MARCHF3: variants seen among roughly 807,000 people sequenced by gnomAD.
MARCHF3 encodes membrane associated ring-CH-type finger 3.
Under a neutral mutation model 24.2 loss-of-function variants are expected in MARCHF3, and 13 were observed. That is an observed-to-expected ratio of 0.54 (90% CI 0.35 to 0.85). MARCHF3 has a LOEUF of 0.85. MARCHF3 is among the 40% of genes least tolerant of loss of function. MARCHF3 has a pLI of 0.01. For synonymous variants in MARCHF3, 144 were observed against 137.3 expected (o/e 1.05, Z -0.34); for missense variants, 276 against 325.0 (o/e 0.85, Z 1.16).
chr5:126,930,432 C>T lies in MARCHF3; in HGVS notation c.-56-12205G>A, dbSNP rs77939003. ...ACTTGGTGCCACTTGCCCCTGCAGA[C>T]CTCCACTGTATCTTATTTATGGAAT... On this transcript the variant is annotated intron_variant, in intron 1 of 4. Transcript: ENST00000308660. 2.7e-3 allele frequency among the ~76,000 whole-genome samples: 407 copies of T among 152,340 alleles called. 2 individuals carry two copies. Among genetic ancestry groups the T allele is most frequent in the African/African-American group, 9.5e-3 (395 of 41,570 alleles).
At chr5:126,963,654 AT>A (rs1359749054) in intron 1 of MARCHF3, among the ~76,000 whole-genome samples, 2 of 152,202 alleles carry the variant, frequency 1.3e-5, no homozygotes, top group Non-Finnish European at 2.9e-5. Flanking sequence ...AAAAATTTAA[AT>A]TTAGCTTTAT....
intron 1 of MARCHF3, among the ~76,000 whole-genome samples, chr5:126,961,632 T>G (rs1750641161): frequency 6.6e-6 from 1 of 152,164 alleles, no homozygotes. Flanking sequence ...AAATTATAAT[T>G]CCATCGCAAT....
intron 1 of MARCHF3, among the ~76,000 whole-genome samples, chr5:126,924,170 A>C (rs1749220313): frequency 6.6e-6 from 1 of 152,152 alleles, no homozygotes; most frequent in African/African-American, 2.4e-5. Context: ...CCGAGGCCCT[A>C]AGTTTGGGGA....
At chr5:126,908,641 GTT>G (rs1324940940) in intron 3 of MARCHF3, among the ~76,000 whole-genome samples, 10 of 151,670 alleles carry the variant, frequency 6.6e-5, no homozygotes, top group Non-Finnish European at 1.3e-4. Flanking sequence ...CATTCTTCAT[GTT>G]GCTCTCGAGC....
At chr5:126,896,859 G>A (rs1244306097) in intron 3 of MARCHF3, among the ~76,000 whole-genome samples, 2 of 151,996 alleles carry the variant, frequency 1.3e-5, no homozygotes, top group Non-Finnish European at 2.9e-5. Context: ...CAGAAAATCT[G>A]TGACCCCTTT....
At chr5:127,017,443 C>A (rs1294708593) in intron 1 of MARCHF3, among the ~76,000 whole-genome samples, 1 of 152,160 alleles carries the variant, frequency 6.6e-6, no homozygotes, top group Admixed American at 6.5e-5. Flanking sequence ...GTTTATATGT[C>A]TTTATGAACA....
At chr5:126,943,781 T>A (rs1749912463) in intron 1 of MARCHF3, among the ~76,000 whole-genome samples, 1 of 152,114 alleles carries the variant, frequency 6.6e-6, no homozygotes, top group East Asian at 1.9e-4. Context: ...ACCAGAATTA[T>A]TTGAACCCTG....
chr5:126,946,798 CTG>C (rs941622542), intron 1 of MARCHF3, among the ~76,000 whole-genome samples: 1 of 75,708 alleles, frequency 1.3e-5, no homozygotes, highest in Non-Finnish European at 2.7e-5. Flanking sequence ...GTGTGTGTGT[CTG>C]TGTGTGTGTG....
chr5:126,894,180 G>A (rs1234998435), intron 3 of MARCHF3, among the ~76,000 whole-genome samples: 1 of 132,168 alleles, frequency 7.6e-6, no homozygotes, highest in Non-Finnish European at 1.6e-5. Flanking sequence ...GAGCCTATGT[G>A]TGTCTCTGCA....
chr5:127,009,219 A>C (rs1245480710), intron 1 of MARCHF3, among the ~76,000 whole-genome samples: 2 of 152,200 alleles, frequency 1.3e-5, no homozygotes, highest in Non-Finnish European at 2.9e-5. Flanking sequence ...TCCCAAAACC[A>C]AGGATAATTA....
chr5:127,021,672 T>C (rs1456887337), intron 1 of MARCHF3, among the ~76,000 whole-genome samples: 1 of 152,192 alleles, frequency 6.6e-6, no homozygotes, highest in Non-Finnish European at 1.5e-5. Context: ...TGTGAGATGT[T>C]GCCAGGGGCA....
At chr5:126,989,612 C>T (rs868754737) in intron 1 of MARCHF3, among the ~76,000 whole-genome samples, 19 of 152,224 alleles carry the variant, frequency 1.2e-4, no homozygotes, top group South Asian at 4.1e-4. Context: ...CATCTTAACA[C>T]CTTCCCTCAG....
At position 126,968,652 on chromosome 5, in the gene MARCHF3, T is replaced by G. The variant is rs186494142; in HGVS notation, c.-56-50425A>C. ...GTGCAGTGGTGGGTTCTTGGCTCACTGCAACCTCCACCTCCTGGGTTCAAG... is the reference window on the plus strand; with the variant it reads ...GTGCAGTGGTGGGTTCTTGGCTCACGGCAACCTCCACCTCCTGGGTTCAAG... On this transcript the variant is annotated intron_variant, in intron 1 of 4. Coordinates refer to ENST00000308660, the MANE Select transcript of MARCHF3 (RefSeq NM_178450.5). Among the ~76,000 whole-genome samples the G allele has an allele frequency of 7.2e-5, 11 of 152,316 alleles. No individual in the cohort carries two copies. In the East Asian group the frequency reaches 2.1e-3, roughly 29 times the overall value.
chr5:126,923,246 A>C (rs1490020179), intron 1 of MARCHF3, among the ~76,000 whole-genome samples: 2 of 152,256 alleles, frequency 1.3e-5, no homozygotes, highest in African/African-American at 4.8e-5. Context: ...AGCAGTTATT[A>C]TCTTAACTAA....
chr5:126,911,557 C>T (rs1156368078), intron 3 of MARCHF3, among the ~76,000 whole-genome samples: 3 of 152,158 alleles, frequency 2.0e-5, no homozygotes, highest in African/African-American at 7.2e-5. Flanking sequence ...ATGAGATTTG[C>T]ATTAGTTGGA....
intron 3 of MARCHF3, among the ~76,000 whole-genome samples, chr5:126,914,351 C>T (rs1282244935): frequency 6.6e-6 from 1 of 152,064 alleles, no homozygotes; most frequent in Non-Finnish European, 1.5e-5. Flanking sequence ...GAGATATTTT[C>T]ATTCAAACCG....
chr5:126,967,385 C>G lies in MARCHF3; in HGVS notation c.-56-49158G>C, dbSNP rs1452290161. Among the ~76,000 whole-genome samples the G allele has an allele frequency of 2.6e-5, 4 of 152,112 alleles. No homozygotes were observed. In the South Asian group the frequency reaches 8.3e-4, roughly 32 times the overall value. On this transcript the variant is annotated intron_variant, in intron 1 of 4. Coordinates refer to ENST00000308660, the MANE Select transcript of MARCHF3 (RefSeq NM_178450.5). Reference sequence around the variant, plus strand: ...TAATGAACCACTACATATTCATCACCCTGCTTCAAAAATACTCAACATTTA... The same window carrying G: ...TAATGAACCACTACATATTCATCACGCTGCTTCAAAAATACTCAACATTTA...
intron 1 of MARCHF3, among the ~76,000 whole-genome samples, chr5:127,025,331 A>C (rs1206201661): frequency 1.3e-5 from 2 of 151,048 alleles, no homozygotes; most frequent in African/African-American, 4.9e-5. Context: ...AAAAAGAAAG[A>C]AACTAACCAG....
intron 1 of MARCHF3, among the ~76,000 whole-genome samples, chr5:126,925,919 G>C (rs896579686): frequency 6.6e-6 from 1 of 152,218 alleles, no homozygotes; most frequent in African/African-American, 2.4e-5. Flanking sequence ...AAGGCCTGAA[G>C]GGTACAGCAT....
Sources: allele counts gnomAD v4.1 joint callset (sites outside exome capture counted in the v4.1 genomes callset), GRCh38; gene constraint gnomAD v4.1.1; transcripts MANE v1.5; gene names NCBI Gene and HGNC (gene_info 2026-07-23, HGNC 2026-07-21).